The following CNTN5 variants were observed in gnomAD, a reference collection of about 807,000 sequenced individuals.
CNTN5 encodes contactin-5.
A neutral mutation model predicts 129.1 loss-of-function variants in CNTN5; 77 were observed. The observed-to-expected ratio is 0.60, with a 90% confidence interval of 0.50 to 0.72. The LOEUF (loss-of-function observed/expected upper bound fraction) is 0.72. Among genes scored for constraint, CNTN5 ranks in the 30% least tolerant of loss-of-function variants. CNTN5 has a pLI of 0.00. For synonymous variants in CNTN5, 509 were observed against 465.6 expected (o/e 1.09, Z -1.20); for missense variants, 1,478 against 1,328.8 (o/e 1.11, Z -1.75).
chr11:99,720,181 C>T (rs955489989), intron 3 of CNTN5, among the ~76,000 whole-genome samples: 3 of 152,112 alleles, frequency 2.0e-5, no homozygotes, highest in Non-Finnish European at 4.4e-5. Context: ...ATGAGGCCAG[C>T]ATCATCTTGC....
intron 3 of CNTN5, among the ~76,000 whole-genome samples, chr11:99,766,642 T>A (rs1442020254): frequency 6.6e-6 from 1 of 152,078 alleles, no homozygotes; most frequent in African/African-American, 2.4e-5. Context: ...TCTTAACACT[T>A]TTATTAATAC....
intron 10 of CNTN5, among the ~76,000 whole-genome samples, chr11:100,064,906 A>G (rs11826948): frequency 0.043 from 6,555 of 152,162 alleles, 162 homozygotes; most frequent in African/African-American, 0.07. Flanking sequence ...TTTTATAAGG[A>G]GTTCTCAAAA....
At chr11:99,023,215 A>T (rs1862962670) in intron 1 of CNTN5, among the ~76,000 whole-genome samples, 1 of 152,248 alleles carries the variant, frequency 6.6e-6, no homozygotes, top group Non-Finnish European at 1.5e-5. Context: ...TACATAGAAT[A>T]TGTTTATGTA....
intron 15 of CNTN5, among the ~76,000 whole-genome samples, chr11:100,195,765 A>G (rs1948622522): frequency 6.6e-6 from 1 of 151,980 alleles, no homozygotes; most frequent in African/African-American, 2.4e-5. Flanking sequence ...CAGTTACTTC[A>G]AACACTGAGT....
intron 3 of CNTN5, among the ~76,000 whole-genome samples, chr11:99,637,583 T>A (rs1023585297): frequency 1.3e-5 from 2 of 152,114 alleles, no homozygotes; most frequent in African/African-American, 4.8e-5. Flanking sequence ...AAAATCAGTA[T>A]TTTTTTAAGT....
chr11:100,232,960 GA>G (rs1949524407), intron 16 of CNTN5, among the ~76,000 whole-genome samples: 2 of 152,050 alleles, frequency 1.3e-5, no homozygotes, highest in African/African-American at 4.8e-5. Flanking sequence ...AAAACAATAT[GA>G]AAAACGTACT....
Position 99,205,970 on chromosome 11 carries a change from CCT to C in CNTN5, c.-209-119374_-209-119373del, listed in dbSNP as rs549826837. Among the ~76,000 whole-genome samples the C allele has an allele frequency of 4.1e-3, 623 of 152,178 alleles. 6 individuals carry two copies. Among genetic ancestry groups the C allele is most frequent in the African/African-American group, 0.013 (526 of 41,530 alleles). ...TATATGACTTGAAATTAGTCTTGATCCTCACTTCTGACCTGCTTAGTGCTCTG... is the reference window on the plus strand; with the variant it reads ...TATATGACTTGAAATTAGTCTTGATCCACTTCTGACCTGCTTAGTGCTCTG... On this transcript the variant is annotated intron_variant, in intron 1 of 24. Coordinates refer to ENST00000524871, the MANE Select transcript of CNTN5 (RefSeq NM_014361.4).
At chr11:99,990,927 T>C (rs1041368968) in intron 8 of CNTN5, among the ~76,000 whole-genome samples, 2 of 152,222 alleles carry the variant, frequency 1.3e-5, no homozygotes, top group African/African-American at 2.4e-5. Context: ...AGAGAAATTC[T>C]GATTGCTTCA....
At chr11:99,775,953 TTAGAG>T (rs1945109780) in intron 3 of CNTN5, among the ~76,000 whole-genome samples, 1 of 152,070 alleles carries the variant, frequency 6.6e-6, no homozygotes, top group African/African-American at 2.4e-5. Flanking sequence ...TCCTCTATGC[TTAGAG>T]TAATTTGGAG....
chr11:99,919,123 G>A (rs1228343655), intron 7 of CNTN5, among the ~76,000 whole-genome samples: 2 of 152,110 alleles, frequency 1.3e-5, no homozygotes, highest in African/African-American at 4.8e-5. Context: ...GCATTCTTCT[G>A]CAGAAGCAAA....
At chr11:100,107,429 C>T (rs761128616) in intron 13 of CNTN5, among the ~76,000 whole-genome samples, 7 of 151,092 alleles carry the variant, frequency 4.6e-5, no homozygotes, top group Non-Finnish European at 1.0e-4. Flanking sequence ...TGGCAAATCC[C>T]AGAATGCATT....
intron 6 of CNTN5, among the ~76,000 whole-genome samples, chr11:99,851,635 A>T (rs774142767): frequency 6.6e-6 from 1 of 152,232 alleles, no homozygotes; most frequent in African/African-American, 2.4e-5. Context: ...AAATACCTTT[A>T]TATGCAATTC....
chr11:100,136,898 T>C (rs1946543996), intron 13 of CNTN5, among the ~76,000 whole-genome samples: 1 of 151,914 alleles, frequency 6.6e-6, no homozygotes, highest in Admixed American at 6.6e-5. Flanking sequence ...TCAAGAAAAG[T>C]CTATGGTAAT....
At chr11:100,056,935 AACT>A (rs1415791999) in intron 9 of CNTN5, among the ~76,000 whole-genome samples, 1 of 151,758 alleles carries the variant, frequency 6.6e-6, no homozygotes, top group Non-Finnish European at 1.5e-5. Context: ...CTAATTTTTA[AACT>A]TTTATCATAA....
chr11:99,074,147 CAT>C (rs763386174), intron 1 of CNTN5, among the ~76,000 whole-genome samples: 8 of 151,988 alleles, frequency 5.3e-5, no homozygotes, highest in Non-Finnish European at 2.9e-5. Context: ...AGCTTTTTTT[CAT>C]ATGTTTTTTG....
intron 9 of CNTN5, among the ~76,000 whole-genome samples, chr11:100,029,413 T>G (rs566321440): frequency 6.6e-6 from 1 of 151,214 alleles, no homozygotes; most frequent in Admixed American, 6.6e-5. Context: ...AAACCCCATC[T>G]CTACTAAAAA....
chr11:100,331,988 A>T (rs1951915694), intron 21 of CNTN5, among the ~76,000 whole-genome samples: 1 of 152,130 alleles, frequency 6.6e-6, no homozygotes, highest in African/African-American at 2.4e-5. Context: ...AACAAAGAGG[A>T]GAACTAAATA....
chr11:99,247,472 T>A (rs905048932), intron 1 of CNTN5, among the ~76,000 whole-genome samples: 1 of 151,794 alleles, frequency 6.6e-6, no homozygotes, highest in African/African-American at 2.4e-5. Flanking sequence ...ATTATTATTA[T>A]TATTATACTT....
chr11:99,201,387 C>CTTCCTTCCTTCT (rs1565398837), intron 1 of CNTN5, among the ~76,000 whole-genome samples: 4 of 149,098 alleles, frequency 2.7e-5, no homozygotes, highest in African/African-American at 9.9e-5. Context: ...TCCTTCTTTC[C>CTTCCTTCCTTCT]TTCCTTCCTT....
Sources: gnomAD v4.1 joint callset for allele counts (sites outside exome capture counted in the v4.1 genomes callset) on GRCh38, gnomAD v4.1.1 for gene constraint, MANE v1.5 for transcripts, NCBI Gene and HGNC (gene_info 2026-07-23, HGNC 2026-07-21) for gene names.